CDK19: variants seen among roughly 807,000 people sequenced by gnomAD.
CDK19 encodes cyclin-dependent kinase 19.
In CDK19, 20 loss-of-function variants were observed where a neutral mutation model predicts 68.3. The observed-to-expected ratio is 0.29, with a 90% CI of 0.21 to 0.43. CDK19 has a LOEUF of 0.43. Among genes scored for constraint, CDK19 ranks in the 20% least tolerant of loss-of-function variants. The probability of loss-of-function intolerance (pLI) is 1.00; values close to 1 mark genes in which losing one functional copy is unlikely to be tolerated. For missense variants in CDK19, 339 were observed against 623.5 expected, an observed-to-expected ratio of 0.54 and a Z score of 4.86; for synonymous variants, 221 against 222.8, an observed-to-expected ratio of 0.99 and a Z score of 0.07.
chr6:110,741,612 C>T (rs1319151531), intron 2 of CDK19, among the ~76,000 whole-genome samples: 1 of 151,396 alleles, frequency 6.6e-6, no homozygotes, highest in Non-Finnish European at 1.5e-5. Context: ...ACATCATAGG[C>T]AAACTGTCAA....
At position 110,610,490 on chromosome 6, in the gene CDK19, T is replaced by A. The variant is rs75284235; in HGVS notation, c.*4045A>T. On this transcript the variant is annotated 3_prime_UTR_variant, in exon 13 of 13. Transcript: ENST00000368911. The stretch of plus-strand genomic sequence containing the variant: ...ACAGTGCATTAAGGGTTTTTTTTTT[T>A]ATATAATACATACATATCACCCCTT... The A allele has an allele frequency of 6.6e-5, 10 of 152,194 alleles. No individual in the cohort carries two copies. Among genetic ancestry groups the A allele is most frequent in the Non-Finnish European group, 1.2e-4 (8 of 67,996 alleles). The allele number at this position is 152,194 out of a possible 1,614,324, so 9.4% of individuals were successfully genotyped here.
chr6:110,790,434 C>A (rs1781509133), intron 1 of CDK19, among the ~76,000 whole-genome samples: 1 of 152,082 alleles, frequency 6.6e-6, no homozygotes, highest in Non-Finnish European at 1.5e-5. Flanking sequence ...ACTGGGGAGG[C>A]TGAAGCATGA....
chr6:110,694,859 G>A (rs994827987), intron 2 of CDK19, among the ~76,000 whole-genome samples: 1 of 152,222 alleles, frequency 6.6e-6, no homozygotes, highest in Non-Finnish European at 1.5e-5. Context: ...GCTTATGGCT[G>A]TAATCCCAGC....
At chr6:110,668,645 C>G (rs1057480475) in intron 3 of CDK19, among the ~76,000 whole-genome samples, 3 of 152,016 alleles carry the variant, frequency 2.0e-5, no homozygotes, top group African/African-American at 7.2e-5. Flanking sequence ...CCAGCCTGAC[C>G]AACACGGTGA....
intron 12 of CDK19, among the ~76,000 whole-genome samples, chr6:110,618,634 T>A (rs1421982963): frequency 6.6e-6 from 1 of 152,212 alleles, no homozygotes; most frequent in East Asian, 1.9e-4. Context: ...CAAAGTTGTA[T>A]GCCTTTCTGT....
intron 4 of CDK19, among the ~76,000 whole-genome samples, chr6:110,642,184 T>C (rs1180014748): frequency 6.6e-6 from 1 of 151,742 alleles, no homozygotes; most frequent in Non-Finnish European, 1.5e-5. Flanking sequence ...ACCTGTAATC[T>C]CAGCTACTCA....
chr6:110,716,837 T>C (rs1455488981), intron 2 of CDK19, among the ~76,000 whole-genome samples: 1 of 152,132 alleles, frequency 6.6e-6, no homozygotes, highest in Non-Finnish European at 1.5e-5. Context: ...TTGACACTTT[T>C]AATAAATAGA....
intron 4 of CDK19, among the ~76,000 whole-genome samples, chr6:110,648,575 C>G (rs1582773942): frequency 1.5e-5 from 2 of 134,256 alleles, no homozygotes; most frequent in Admixed American, 8.0e-5. Flanking sequence ...GAGTCTCGCT[C>G]TGTTGCCCAG....
At chr6:110,742,810 G>A (rs1777779254) in intron 2 of CDK19, among the ~76,000 whole-genome samples, 1 of 152,162 alleles carries the variant, frequency 6.6e-6, no homozygotes, top group Admixed American at 6.5e-5. Context: ...CTGTTGAGAT[G>A]TTTATCAAGA....
At chr6:110,622,689 G>A (rs982856415) in intron 10 of CDK19, 126 bp downstream of exon 10, 20 of 646,256 alleles carry the variant, frequency 3.1e-5, no homozygotes, top group Non-Finnish European at 5.3e-5. Flanking sequence ...GCTTGCTCTT[G>A]AGCAGTCTTT....
chr6:110,708,964 T>C (rs2114679401), intron 2 of CDK19, among the ~76,000 whole-genome samples: 1 of 152,172 alleles, frequency 6.6e-6, no homozygotes, highest in East Asian at 1.9e-4. Flanking sequence ...AAAAAGCTTA[T>C]CCAAAGCTTA....
chr6:110,657,688 C>T (rs1781386913), intron 4 of CDK19, among the ~76,000 whole-genome samples: 2 of 152,152 alleles, frequency 1.3e-5, no homozygotes, highest in African/African-American at 4.8e-5. Context: ...CTCTTAGTGA[C>T]CTTGAAGTTA....
intron 2 of CDK19, among the ~76,000 whole-genome samples, chr6:110,707,459 G>GT (rs541074022): frequency 8.1e-4 from 123 of 152,156 alleles, no homozygotes; most frequent in Non-Finnish European, 1.5e-3. Context: ...CCAAAGATGT[G>GT]TTTTACCAGG....
At chr6:110,690,707 C>CAT (rs1362194494) in intron 2 of CDK19, among the ~76,000 whole-genome samples, 1 of 152,180 alleles carries the variant, frequency 6.6e-6, no homozygotes, top group Non-Finnish European at 1.5e-5. Flanking sequence ...ACACTGAGCA[C>CAT]ATTGCTACTA....
At chr6:110,776,613 T>C (rs1780417238) in intron 1 of CDK19, among the ~76,000 whole-genome samples, 1 of 152,114 alleles carries the variant, frequency 6.6e-6, no homozygotes, top group Admixed American at 6.5e-5. Context: ...TTATATCAAA[T>C]TACTAATTTA....
intron 4 of CDK19, among the ~76,000 whole-genome samples, chr6:110,651,647 G>C (rs1007345488): frequency 6.6e-6 from 1 of 152,128 alleles, no homozygotes; most frequent in Non-Finnish European, 1.5e-5. Flanking sequence ...AGGTGAGGTT[G>C]ACCTGAAATT....
chr6:110,742,455 C>G (rs1777751134), intron 2 of CDK19, among the ~76,000 whole-genome samples: 1 of 152,168 alleles, frequency 6.6e-6, no homozygotes, highest in Admixed American at 6.5e-5. Context: ...AACAGAATAA[C>G]AGTGATTTTC....
At chr6:110,676,522 C>T (rs1042798726) in intron 2 of CDK19, among the ~76,000 whole-genome samples, 1 of 152,112 alleles carries the variant, frequency 6.6e-6, no homozygotes, top group African/African-American at 2.4e-5. Context: ...AGGAAGAGTT[C>T]ATTGATGCAG....
chr6:110,653,906 C>A lies in CDK19; in HGVS notation c.456+13528G>T, dbSNP rs568780688. ...TTATGAGTAGCACAGCCTAAAGATA[C>A]ACAATCTTCCTACTACATTTGCTTT... On this transcript the variant is annotated intron_variant, in intron 4 of 12. Coordinates refer to ENST00000368911, the MANE Select transcript of CDK19 (RefSeq NM_015076.5). 2.6e-5 allele frequency among the ~76,000 whole-genome samples: 4 copies of A among 152,206 alleles called. No individual in the cohort carries two copies. In the South Asian group the frequency reaches 8.3e-4, roughly 32 times the overall value.
Sources: gnomAD v4.1 joint callset for allele counts (sites outside exome capture counted in the v4.1 genomes callset) on GRCh38, gnomAD v4.1.1 for gene constraint, MANE v1.5 for transcripts, NCBI Gene and HGNC (gene_info 2026-07-23, HGNC 2026-07-21) for gene names.